The following IMMP2L variants were observed in gnomAD, a reference collection of about 807,000 sequenced individuals.
The protein encoded by IMMP2L is mitochondrial inner membrane protease subunit 2.
A neutral mutation model predicts 19.3 loss-of-function variants in IMMP2L; 18 were observed. The ratio of observed to expected loss-of-function variants is 0.93; its 90% CI spans 0.64 to 1.38. The LOEUF is 1.38. IMMP2L is among the 40% of genes most tolerant of loss of function. IMMP2L has a pLI of 0.00. For synonymous variants in IMMP2L, 76 were observed against 73.0 expected (o/e 1.04, Z -0.21); for missense variants, 233 against 218.2 (o/e 1.07, Z -0.43).
At chr7:110,950,448 T>G (rs1274988323) in intron 4 of IMMP2L, among the ~76,000 whole-genome samples, 1 of 152,066 alleles carries the variant, frequency 6.6e-6, no homozygotes, top group African/African-American at 2.4e-5. Context: ...TACTGTTGTT[T>G]GGGTTATTCA....
intron 5 of IMMP2L, among the ~76,000 whole-genome samples, chr7:110,875,506 T>C (rs993601523): frequency 8.5e-5 from 13 of 152,164 alleles, no homozygotes; most frequent in African/African-American, 2.9e-4. Context: ...CCATAATGAC[T>C]TGTAGAAATG....
chr7:110,726,465 C>T (rs1403713229), intron 5 of IMMP2L, among the ~76,000 whole-genome samples: 1 of 152,074 alleles, frequency 6.6e-6, no homozygotes, highest in Non-Finnish European at 1.5e-5. Context: ...TTAGCACATT[C>T]CCAAAGAGGT....
chr7:110,814,069 G>C (rs1222889883), intron 5 of IMMP2L, among the ~76,000 whole-genome samples: 1 of 151,890 alleles, frequency 6.6e-6, no homozygotes, highest in Non-Finnish European at 1.5e-5. Context: ...CTCTTGATTT[G>C]ATTGGCAGGA....
chr7:110,967,032 G>T (rs1368259431), intron 3 of IMMP2L, among the ~76,000 whole-genome samples: 1 of 152,104 alleles, frequency 6.6e-6, no homozygotes, highest in Middle Eastern at 3.4e-3. Context: ...TACAATATTT[G>T]TTTCTGGGAT....
chr7:110,898,314 T>C (rs1811524742), intron 4 of IMMP2L, among the ~76,000 whole-genome samples: 1 of 152,022 alleles, frequency 6.6e-6, no homozygotes, highest in Admixed American at 6.6e-5. Flanking sequence ...CATTTGTTTT[T>C]TCCCTCTGAG....
At chr7:111,118,298 ATAAAGAAGC>A (rs1476908641) in intron 3 of IMMP2L, among the ~76,000 whole-genome samples, 1 of 152,180 alleles carries the variant, frequency 6.6e-6, no homozygotes, top group Non-Finnish European at 1.5e-5. Flanking sequence ...TGAAAAACAG[ATAAAGAAGC>A]TAAAGAATAA....
intron 2 of IMMP2L, among the ~76,000 whole-genome samples, chr7:111,490,545 C>A (rs1454129361): frequency 3.3e-5 from 5 of 152,036 alleles, no homozygotes; most frequent in African/African-American, 1.2e-4. Context: ...ATAATGTCTT[C>A]TACTTCTGGC....
intron 3 of IMMP2L, chr7:111,122,372 A>G (rs1318687034): frequency 6.3e-6 from 1 of 157,984 alleles, no homozygotes; most frequent in East Asian, 1.9e-4. Flanking sequence ...TGTACTAATT[A>G]TTGTTCTCTT....
chr7:110,839,030 G>A (rs1196383852), intron 5 of IMMP2L, among the ~76,000 whole-genome samples: 1 of 152,008 alleles, frequency 6.6e-6, no homozygotes, highest in African/African-American at 2.4e-5. Context: ...GCATTCTCCA[G>A]AAATCAGGGA....
At chr7:111,270,789 C>T (rs1020511133) in intron 3 of IMMP2L, among the ~76,000 whole-genome samples, 8 of 152,202 alleles carry the variant, frequency 5.3e-5, no homozygotes, top group African/African-American at 1.9e-4. Context: ...TATTTTCTTA[C>T]TCATAGAATT....
intron 3 of IMMP2L, among the ~76,000 whole-genome samples, chr7:111,336,718 T>G (rs1365949838): frequency 6.6e-6 from 1 of 152,076 alleles, no homozygotes; most frequent in Non-Finnish European, 1.5e-5. Flanking sequence ...TTCAATTATC[T>G]TCATAATAAA....
chr7:111,206,536 C>A (rs563885170), intron 3 of IMMP2L, among the ~76,000 whole-genome samples: 25 of 152,016 alleles, frequency 1.6e-4, no homozygotes, highest in African/African-American at 5.8e-4. Flanking sequence ...TAGCTGTACA[C>A]ATTTATGGGG....
intron 3 of IMMP2L, among the ~76,000 whole-genome samples, chr7:111,287,131 G>C (rs1167901706): frequency 6.6e-6 from 1 of 152,064 alleles, no homozygotes; most frequent in Non-Finnish European, 1.5e-5. Context: ...TTAGATATCA[G>C]AAACAATGTT....
intron 3 of IMMP2L, among the ~76,000 whole-genome samples, chr7:111,480,524 A>C (rs1842088822): frequency 6.6e-6 from 1 of 151,366 alleles, no homozygotes; most frequent in Non-Finnish European, 1.5e-5. Context: ...TAATGACTGC[A>C]AATTACTATG....
At chr7:111,528,397 TC>T (rs1396169435) in intron 1 of IMMP2L, among the ~76,000 whole-genome samples, 1 of 152,192 alleles carries the variant, frequency 6.6e-6, no homozygotes, top group African/African-American at 2.4e-5. Flanking sequence ...AAAACACTGC[TC>T]CTGAGAAAAT....
chr7:111,105,962 A>G lies in IMMP2L; in HGVS notation c.240-142397T>C, dbSNP rs186316531. Among the ~76,000 whole-genome samples, 90 of 152,058 alleles carry G rather than the reference A, an allele frequency of 5.9e-4. 1 individual carries two copies. Among genetic ancestry groups the G allele is most frequent in the African/African-American group, 2.0e-3 (85 of 41,540 alleles). On this transcript the variant is annotated intron_variant, in intron 3 of 5. Coordinates refer to ENST00000405709, the MANE Select transcript of IMMP2L (RefSeq NM_032549.4). Reference sequence around the variant, plus strand: ...TACACAACATCTCAATTCCTAATGCACCAGCAAGGGCAAGCTTATTTTTCT... The same window carrying G: ...TACACAACATCTCAATTCCTAATGCGCCAGCAAGGGCAAGCTTATTTTTCT...
intron 3 of IMMP2L, among the ~76,000 whole-genome samples, chr7:111,437,715 T>A (rs753255214): frequency 1.3e-5 from 2 of 151,962 alleles, no homozygotes; most frequent in Non-Finnish European, 2.9e-5. Flanking sequence ...GATATATTCC[T>A]ATCTTATTTA....
intron 4 of IMMP2L, among the ~76,000 whole-genome samples, chr7:110,951,121 A>G (rs1817795051): frequency 6.6e-6 from 1 of 151,082 alleles, no homozygotes; most frequent in Non-Finnish European, 1.5e-5. Flanking sequence ...GAGCTGGGGG[A>G]GGTGGTGATG....
At chr7:110,946,091 G>A (rs972589194) in intron 4 of IMMP2L, among the ~76,000 whole-genome samples, 2 of 152,154 alleles carry the variant, frequency 1.3e-5, no homozygotes, top group Admixed American at 1.3e-4. Context: ...ACGAAAACAG[G>A]TTCTCAAATT....
Sources: gnomAD v4.1 joint callset for allele counts (sites outside exome capture counted in the v4.1 genomes callset) on GRCh38, gnomAD v4.1.1 for gene constraint, MANE v1.5 for transcripts, NCBI Gene and HGNC (gene_info 2026-07-23, HGNC 2026-07-21) for gene names.